FAM135B: variants seen among roughly 807,000 people sequenced by gnomAD.
FAM135B encodes the protein family with sequence similarity 135 member B, also known as protein FAM135B.
Under a neutral mutation model 127.7 loss-of-function variants are expected in FAM135B, and 43 were observed. That is an observed-to-expected ratio of 0.34 (90% confidence interval 0.26 to 0.43). The LOEUF (loss-of-function observed/expected upper bound fraction) is 0.43, where lower values mean the gene tolerates loss of function less well. Ranked by LOEUF, FAM135B falls within the 20% of genes least tolerant of loss-of-function variation. The pLI, the probability that FAM135B is intolerant of heterozygous loss-of-function variation, is 1.00. For missense variants in FAM135B, 1,558 were observed against 1,725.6 expected, an observed-to-expected ratio of 0.90 and a Z score of 1.72; for synonymous variants, 670 against 665.1, an observed-to-expected ratio of 1.01 and a Z score of -0.11.
intron 4 of FAM135B, among the ~76,000 whole-genome samples, chr8:138,257,496 CT>C (rs1472583314): frequency 6.6e-6 from 1 of 152,046 alleles, no homozygotes; most frequent in Non-Finnish European, 1.5e-5. Flanking sequence ...CCCTAGTTCT[CT>C]TTTTCTCACA....
At chr8:138,286,864 C>T (rs560656766) in intron 3 of FAM135B, among the ~76,000 whole-genome samples, 4 of 152,356 alleles carry the variant, frequency 2.6e-5, no homozygotes, top group Non-Finnish European at 4.4e-5. Context: ...ATGGCTCAAG[C>T]ACACCATGAT....
chr8:138,472,332 G>A lies in FAM135B; in HGVS notation c.-20+24339C>T, dbSNP rs542664934. ...ACAAGTTCCTTGAAGAAGAGAAGGA[G>A]GCTGAGATCCAAAACAGGAGGGAGT... On this transcript the variant is annotated intron_variant, in intron 1 of 19. Transcript: ENST00000395297. Among the ~76,000 whole-genome samples, 5 of 152,222 alleles carry A rather than the reference G, an allele frequency of 3.3e-5. No homozygotes were observed. In the South Asian group the frequency reaches 8.3e-4, roughly 25 times the overall value.
At chr8:138,400,242 A>AG (rs932276535) in intron 1 of FAM135B, among the ~76,000 whole-genome samples, 1 of 152,064 alleles carries the variant, frequency 6.6e-6, no homozygotes, top group African/African-American at 2.4e-5. Context: ...TCCTGCTTGG[A>AG]GGGGGCAGGA....
intron 2 of FAM135B, among the ~76,000 whole-genome samples, chr8:138,336,529 C>A (rs559486601): frequency 6.6e-6 from 1 of 152,130 alleles, no homozygotes; most frequent in Non-Finnish European, 1.5e-5. Flanking sequence ...CATTCCTCGA[C>A]ACATACACCC....
chr8:138,191,527 G>T (rs1816124710), intron 9 of FAM135B, among the ~76,000 whole-genome samples: 1 of 152,090 alleles, frequency 6.6e-6, no homozygotes, highest in Admixed American at 6.5e-5. Context: ...CTAAGCAGTA[G>T]AAGTTCCAGA....
chr8:138,300,407 G>A (rs1445198216), intron 3 of FAM135B, among the ~76,000 whole-genome samples: 1 of 152,054 alleles, frequency 6.6e-6, no homozygotes, highest in Non-Finnish European at 1.5e-5. Context: ...AGCTTCCCTA[G>A]CTCAGAAATA....
intron 7 of FAM135B, among the ~76,000 whole-genome samples, chr8:138,218,892 C>G (rs1012945694): frequency 1.3e-5 from 2 of 151,974 alleles, no homozygotes; most frequent in African/African-American, 4.8e-5. Flanking sequence ...TACCAGGCAC[C>G]AGTAAAATAC....
intron 3 of FAM135B, among the ~76,000 whole-genome samples, chr8:138,268,808 T>C (rs1336949049): frequency 6.6e-6 from 1 of 152,214 alleles, no homozygotes; most frequent in Non-Finnish European, 1.5e-5. Flanking sequence ...TTTTTATGTA[T>C]TTTTAGGCAA....
intron 1 of FAM135B, among the ~76,000 whole-genome samples, chr8:138,409,275 G>C (rs191486647): frequency 3.3e-5 from 5 of 152,068 alleles, no homozygotes; most frequent in African/African-American, 1.2e-4. Context: ...GGGAAGGGCC[G>C]GTAGGTGGAG....
chr8:138,263,305 C>T (rs546295449), intron 4 of FAM135B, among the ~76,000 whole-genome samples: 1 of 152,228 alleles, frequency 6.6e-6, no homozygotes, highest in African/African-American at 2.4e-5. Context: ...CCGGACACAG[C>T]CAACCCTCCA....
intron 12 of FAM135B, among the ~76,000 whole-genome samples, chr8:138,163,558 C>G (rs1318424896): frequency 6.6e-6 from 1 of 152,134 alleles, no homozygotes; most frequent in African/African-American, 2.4e-5. Flanking sequence ...ATACACCTCA[C>G]AAGATCTGAT....
In FAM135B at chr8:138,265,711, C is replaced by T. The variant is rs2130628436; in HGVS notation, c.289G>A (p.Gly97Ser). Residue 97 changes from glycine to serine, a missense_variant, in exon 4 of 20, where the codon GGT becomes AGT. Transcript: ENST00000395297. ...VVFRVHLLLG[G>S]ERMEDALSEV... is the part of the protein sequence containing the mutation. ...GTAGATTCATGACTTACCCTTTCAC[C>T]ACCCAAGAGTAAATGAACTCGGAAG... is the stretch of plus-strand genomic sequence containing the variant. The T allele has an allele frequency of 1.2e-6, 2 of 1,614,004 alleles. No individual in the cohort carries two copies. Among genetic ancestry groups the T allele is most frequent in the East Asian group, 2.2e-5 (1 of 44,866 alleles).
At chr8:138,383,347 A>G (rs1831983247) in intron 1 of FAM135B, among the ~76,000 whole-genome samples, 1 of 152,208 alleles carries the variant, frequency 6.6e-6, no homozygotes, top group Non-Finnish European at 1.5e-5. Context: ...AGTTTTCCTT[A>G]TCTGTAAAAA....
At chr8:138,193,755 G>A (rs142219145) in intron 9 of FAM135B, among the ~76,000 whole-genome samples, 3 of 152,152 alleles carry the variant, frequency 2.0e-5, no homozygotes. Context: ...GCACTTAGGA[G>A]GGTCCTTGCG....
In FAM135B at chr8:138,145,720, T is replaced by C. The variant is rs117749306; in HGVS notation, c.3540+239A>G. On this transcript the variant is annotated intron_variant, in intron 15 of 19. Transcript: ENST00000395297. Reference sequence around the variant, plus strand: ...TGCTCTCACTTGCCACCCACCCTAATGCCCTGTGAGGGCAAAGGCTCCCGT... The same window carrying C: ...TGCTCTCACTTGCCACCCACCCTAACGCCCTGTGAGGGCAAAGGCTCCCGT... 6.5e-3 allele frequency among the ~76,000 whole-genome samples: 992 copies of C among 152,296 alleles called. 4 individuals are homozygous for C. The highest frequency in any genetic ancestry group is 0.011 in the Non-Finnish European group (733 of 68,018).
chr8:138,438,865 A>G (rs1019883931), intron 1 of FAM135B: 4 of 152,134 alleles, frequency 2.6e-5, no homozygotes, highest in Admixed American at 1.3e-4. Flanking sequence ...ACTCCTTAGC[A>G]TTTCCTGTCT....
intron 1 of FAM135B, among the ~76,000 whole-genome samples, chr8:138,444,674 C>T (rs1371369195): frequency 6.6e-6 from 1 of 152,056 alleles, no homozygotes; most frequent in Non-Finnish European, 1.5e-5. Context: ...AAATTTATAG[C>T]ACTAAATGCC....
chr8:138,138,292 T>C (rs1816832499), intron 18 of FAM135B, among the ~76,000 whole-genome samples: 1 of 152,230 alleles, frequency 6.6e-6, no homozygotes, highest in Admixed American at 6.5e-5. Flanking sequence ...AGCCCGTGGC[T>C]ACACCAGATT....
At chr8:138,206,800 T>TCATCCCCTCCACCTACACACAACTCCAG (rs1817708688) in intron 7 of FAM135B, among the ~76,000 whole-genome samples, 1 of 139,412 alleles carries the variant, frequency 7.2e-6, no homozygotes, top group African/African-American at 2.7e-5. Context: ...CACAACTCTA[T>TCATCCCCTCCACCTACACACAACTCCAG]CATCCCCTCC....
Sources: gnomAD v4.1 joint callset for allele counts (sites outside exome capture counted in the v4.1 genomes callset) on GRCh38, gnomAD v4.1.1 for gene constraint, MANE v1.5 for transcripts, NCBI Gene and HGNC (gene_info 2026-07-23, HGNC 2026-07-21) for gene names.